The following ANKAR variants were observed in gnomAD, a reference collection of about 807,000 sequenced individuals.
ANKAR encodes the protein ankyrin and armadillo repeat-containing protein.
A neutral mutation model predicts 146.2 loss-of-function variants in ANKAR; 136 were observed. The observed-to-expected ratio is 0.93, with a 90% CI of 0.81 to 1.07. The LOEUF (loss-of-function observed/expected upper bound fraction) is 1.07, where lower values mean the gene tolerates loss of function less well. Ranked by LOEUF, ANKAR falls within the 50% of genes least tolerant of loss-of-function variation. The pLI is 0.00. For missense variants in ANKAR, 1,567 were observed against 1,679.9 expected, an observed-to-expected ratio of 0.93 and a Z score of 1.18; for synonymous variants, 500 against 575.8, an observed-to-expected ratio of 0.87 and a Z score of 1.88.
At chr2:189,754,686 G>A (rs972490320) in intron 18 of ANKAR, 8 of 218,070 alleles carry the variant, frequency 3.7e-5, no homozygotes, top group Non-Finnish European at 6.5e-5. Flanking sequence ...GGGAAGCAGT[G>A]TTTTGTTTGT....
Position 189,689,929 on chromosome 2 carries a change from TTCC to T in ANKAR, c.1005_1007del (p.Pro336del). 1 of 1,541,980 alleles carries T rather than the reference TTCC, an allele frequency of 6.5e-7. No homozygotes were observed. Among genetic ancestry groups the T allele is most frequent in the Non-Finnish European group, 8.7e-7 (1 of 1,152,954 alleles). ...CTGAGTTTAAAGAAGAAAATGAAAG[TTCC>T]ATATTTAAGTAGTCTGCTTCAGCCT... On this transcript the variant is annotated inframe_deletion, in exon 3 of 23. Coordinates refer to ENST00000684021, the MANE Select transcript of ANKAR (RefSeq NM_001378068.1).
downstream of ANKAR, among the ~76,000 whole-genome samples, chr2:189,749,690 A>T (rs1356800811): frequency 1.3e-5 from 2 of 150,724 alleles, no homozygotes; most frequent in Non-Finnish European, 3.0e-5. Flanking sequence ...GTAAAACCTC[A>T]AATTATATAG....
chr2:189,733,492 T>C (rs6760126), intron 17 of ANKAR, among the ~76,000 whole-genome samples: 5,438 of 152,250 alleles, frequency 0.036, 333 homozygotes, highest in African/African-American at 0.12. Context: ...ATGTCCCAAA[T>C]CAAACCTTTA....
intron 18 of ANKAR, among the ~76,000 whole-genome samples, chr2:189,759,542 G>A (rs532961106): frequency 1.8e-4 from 28 of 152,244 alleles, no homozygotes; most frequent in African/African-American, 3.9e-4. Context: ...GAGCCACAGC[G>A]CCCAGCCAAT....
intron 18 of ANKAR, among the ~76,000 whole-genome samples, chr2:189,757,088 T>A (rs1162568086): frequency 6.6e-6 from 1 of 152,200 alleles, no homozygotes; most frequent in South Asian, 2.1e-4. Flanking sequence ...TTTTTGTCTA[T>A]GATTTGTAGA....
intron 22 of ANKAR, 31 bp from the exon 23 acceptor site, chr2:189,746,349 G>T (rs748369068): frequency 6.3e-7 from 1 of 1,577,500 alleles, no homozygotes; most frequent in Non-Finnish European, 8.6e-7. Flanking sequence ...AGGGCTCTCA[G>T]GAGAGACATT....
At chr2:189,750,678 C>T (rs373631423), downstream of ANKAR, 81 of 1,541,842 alleles carry the variant, frequency 5.3e-5, no homozygotes, top group Admixed American at 7.3e-4. Context: ...GCAGACAAAT[C>T]GTATTATTTA....
intron 10 of ANKAR, among the ~76,000 whole-genome samples, chr2:189,714,732 G>T (rs2040182081): frequency 6.6e-6 from 1 of 151,706 alleles, no homozygotes; most frequent in Non-Finnish European, 1.5e-5. Context: ...GGATCACGAG[G>T]TCAGGAGATG....
At chr2:189,726,936 A>G (rs927256490) in intron 12 of ANKAR, among the ~76,000 whole-genome samples, 1 of 152,230 alleles carries the variant, frequency 6.6e-6, no homozygotes, top group Admixed American at 6.5e-5. Flanking sequence ...AGGTAAAGGT[A>G]TACAGGAATT....
chr2:189,736,495 C>G (rs2042845112), intron 17 of ANKAR, among the ~76,000 whole-genome samples: 1 of 8,528 alleles, frequency 1.2e-4, no homozygotes, highest in Admixed American at 3.2e-3. Flanking sequence ...ATTTAGGTGA[C>G]TGGGTTTTGT....
At chr2:189,742,011 G>A (rs957373182) in intron 20 of ANKAR, among the ~76,000 whole-genome samples, 13 of 152,162 alleles carry the variant, frequency 8.5e-5, no homozygotes, top group Admixed American at 6.5e-5. Flanking sequence ...CTTTCCTTAT[G>A]TGTCAAGCAG....
chr2:189,697,339 C>CACATATATATGT (rs2037370279), intron 7 of ANKAR, among the ~76,000 whole-genome samples: 3 of 151,762 alleles, frequency 2.0e-5, no homozygotes, highest in Admixed American at 2.0e-4. Context: ...TTTGAGGTTA[C>CACATATATATGT]ACATATATAT....
chr2:189,704,580 T>C (rs2038619512), intron 7 of ANKAR, among the ~76,000 whole-genome samples: 1 of 117,826 alleles, frequency 8.5e-6, no homozygotes, highest in African/African-American at 3.4e-5. Context: ...TATATATATA[T>C]ATATATATAT....
chr2:189,717,602 A>G (rs992574978), intron 10 of ANKAR, among the ~76,000 whole-genome samples: 3 of 152,254 alleles, frequency 2.0e-5, no homozygotes, highest in African/African-American at 7.2e-5. Flanking sequence ...TACCCAAAGC[A>G]TTATAAATCA....
intron 2 of ANKAR, among the ~76,000 whole-genome samples, 162 bp from the exon 3 acceptor site, chr2:189,689,365 G>T (rs558051217): frequency 5.1e-4 from 77 of 152,206 alleles, no homozygotes; most frequent in African/African-American, 1.8e-3. Context: ...TCAGTTGTAG[G>T]GAGTGCTTAG....
At position 189,727,840 on chromosome 2, in the gene ANKAR, T is replaced by G; in HGVS notation, c.2636-16T>G. On this transcript the variant is annotated splice_polypyrimidine_tract_variant and intron_variant, in intron 12 of 22. Transcript: ENST00000684021. The stretch of plus-strand genomic sequence containing the variant: ...TTCATAAGGTTTATTTAACTTGTTC[T>G]TAAATTCATTTGAAGATGTGTTGAA... 6.2e-7 allele frequency: 1 copy of G among 1,610,858 alleles called. No individual in the cohort carries two copies. Among genetic ancestry groups the G allele is most frequent in the Non-Finnish European group, 8.5e-7 (1 of 1,177,982 alleles).
intron 17 of ANKAR, among the ~76,000 whole-genome samples, chr2:189,736,902 G>A (rs1283523326): frequency 6.6e-6 from 1 of 151,354 alleles, no homozygotes; most frequent in Non-Finnish European, 1.5e-5. Context: ...GCAAAACCCT[G>A]TCTCTACAAA....
At position 189,707,159 on chromosome 2, in the gene ANKAR, T is replaced by G; in HGVS notation, c.2119+13T>G. 1 of 1,378,688 alleles carries G rather than the reference T, an allele frequency of 7.3e-7. No individual in the cohort carries two copies. Among genetic ancestry groups the G allele is most frequent in the Non-Finnish European group, 9.7e-7 (1 of 1,028,898 alleles). 85.4% of individuals were successfully genotyped at this position (1,378,688 alleles called of 1,614,324 possible). A position where few individuals can be genotyped will look rare whatever the true frequency, so the allele number is the denominator to read the frequency against. ...AAAACTTTGGTAGGTGAGTATAATC[T>G]CTTTATAAATACATGTTCTGATTAT... is the stretch of plus-strand genomic sequence containing the variant. On this transcript the variant is annotated intron_variant, in intron 9 of 22. Coordinates refer to ENST00000684021, the MANE Select transcript of ANKAR (RefSeq NM_001378068.1).
intron 6 of ANKAR, 128 bp downstream of exon 6, chr2:189,695,289 C>A: frequency 2.7e-6 from 2 of 743,066 alleles, no homozygotes; most frequent in Non-Finnish European, 4.0e-6. Flanking sequence ...TAAAATGCCA[C>A]ATTTTAGTAG....
Sources: allele counts gnomAD v4.1 joint callset (sites outside exome capture counted in the v4.1 genomes callset), GRCh38; gene constraint gnomAD v4.1.1; transcripts MANE v1.5; gene names NCBI Gene and HGNC (gene_info 2026-07-23, HGNC 2026-07-21).